The following NRG3 variants were observed in gnomAD, a reference collection of about 807,000 sequenced individuals.
NRG3 encodes the protein neuregulin 3, also known as pro-neuregulin-3, membrane-bound isoform.
A neutral mutation model predicts 66.9 loss-of-function variants in NRG3; 31 were observed. That is an observed-to-expected ratio of 0.46 (90% CI 0.35 to 0.63). The LOEUF (loss-of-function observed/expected upper bound fraction) is 0.63, where lower values mean the gene tolerates loss of function less well. Among genes scored for constraint, NRG3 ranks in the 20% least tolerant of loss-of-function variants. NRG3 has a pLI of 0.00. For missense variants in NRG3, 910 were observed against 878.9 expected, an observed-to-expected ratio of 1.04 and a Z score of -0.45; for synonymous variants, 393 against 359.4, an observed-to-expected ratio of 1.09 and a Z score of -1.06.
At chr10:82,705,328 A>G (rs2056205554) in intron 2 of NRG3, among the ~76,000 whole-genome samples, 1 of 152,202 alleles carries the variant, frequency 6.6e-6, no homozygotes, top group African/African-American at 2.4e-5. Context: ...AGACAATGCT[A>G]ACACTGCTGG....
At chr10:81,989,630 G>A (rs1185046295) in intron 1 of NRG3, among the ~76,000 whole-genome samples, 1 of 152,124 alleles carries the variant, frequency 6.6e-6, no homozygotes, top group Non-Finnish European at 1.5e-5. Context: ...TGACAAAACT[G>A]GTTTCATTGG....
chr10:82,876,270 G>T (rs1354766795), intron 4 of NRG3, among the ~76,000 whole-genome samples: 1 of 151,666 alleles, frequency 6.6e-6, no homozygotes, highest in Non-Finnish European at 1.5e-5. Context: ...TGAATATATG[G>T]ACTTTAGCAA....
chr10:82,833,393 G>A (rs144249220), intron 3 of NRG3, among the ~76,000 whole-genome samples: 3 of 152,090 alleles, frequency 2.0e-5, no homozygotes, highest in East Asian at 1.9e-4. Flanking sequence ...TCCCGAGTGC[G>A]GTACTGTTTC....
chr10:82,785,112 C>A (rs2060292568), intron 3 of NRG3, among the ~76,000 whole-genome samples: 2 of 151,674 alleles, frequency 1.3e-5, no homozygotes, highest in South Asian at 4.2e-4. Flanking sequence ...GGACAAAAAA[C>A]CAAACACCGC....
At chr10:82,451,656 C>T (rs2091023998) in intron 2 of NRG3, among the ~76,000 whole-genome samples, 1 of 152,048 alleles carries the variant, frequency 6.6e-6, no homozygotes, top group Non-Finnish European at 1.5e-5. Flanking sequence ...ACTGAAAAAT[C>T]TTAACAGGGA....
chr10:82,281,004 T>A (rs2079093282), intron 1 of NRG3, among the ~76,000 whole-genome samples: 3 of 152,176 alleles, frequency 2.0e-5, no homozygotes, highest in Admixed American at 2.0e-4. Context: ...ATTAAATAGA[T>A]CTTATTTTTT....
intron 1 of NRG3, among the ~76,000 whole-genome samples, chr10:82,269,559 C>A (rs183112000): frequency 6.6e-6 from 1 of 151,976 alleles, no homozygotes; most frequent in Non-Finnish European, 1.5e-5. Context: ...CAGAGTCAGC[C>A]GAAATGAAGA....
At chr10:82,630,969 T>C (rs1007758860) in intron 2 of NRG3, among the ~76,000 whole-genome samples, 3 of 152,196 alleles carry the variant, frequency 2.0e-5, no homozygotes, top group Admixed American at 2.0e-4. Flanking sequence ...AGTGTGAATA[T>C]AATTAAAGTT....
chr10:82,925,563 G>A (rs1376939211), intron 4 of NRG3, among the ~76,000 whole-genome samples: 8 of 152,188 alleles, frequency 5.3e-5, no homozygotes, highest in African/African-American at 1.9e-4. Context: ...CGCAGAATAG[G>A]GACAAGCATG....
At chr10:82,942,334 A>G (rs2132275665) in intron 4 of NRG3, among the ~76,000 whole-genome samples, 1 of 152,280 alleles carries the variant, frequency 6.6e-6, no homozygotes, top group East Asian at 1.9e-4. Context: ...TCTTTTTTCT[A>G]CGTAGTACAG....
intron 2 of NRG3, among the ~76,000 whole-genome samples, chr10:82,385,224 T>C (rs2085902449): frequency 6.6e-6 from 1 of 152,208 alleles, no homozygotes; most frequent in East Asian, 1.9e-4. Context: ...CTTTGTCACA[T>C]GCATACTTTG....
chr10:82,409,419 A>G (rs1234100014), intron 2 of NRG3, among the ~76,000 whole-genome samples: 1 of 152,144 alleles, frequency 6.6e-6, no homozygotes, highest in Admixed American at 6.6e-5. Context: ...TGAGATCATG[A>G]TTTGGGGAGT....
intron 1 of NRG3, among the ~76,000 whole-genome samples, chr10:82,138,355 C>A (rs1355454643): frequency 1.3e-5 from 2 of 152,080 alleles, no homozygotes; most frequent in African/African-American, 2.4e-5. Context: ...AACTTAAATA[C>A]CTAATTTCCA....
intron 2 of NRG3, among the ~76,000 whole-genome samples, chr10:82,528,757 T>A (rs1306234103): frequency 6.6e-6 from 1 of 152,192 alleles, no homozygotes; most frequent in Non-Finnish European, 1.5e-5. Flanking sequence ...GAAGATTGGC[T>A]TTTTTCTATT....
chr10:82,342,778 T>C (rs2082750338), intron 1 of NRG3, among the ~76,000 whole-genome samples: 1 of 151,602 alleles, frequency 6.6e-6, no homozygotes, highest in South Asian at 2.1e-4. Context: ...TAATTAACTC[T>C]CACTTATATA....
In NRG3 at chr10:82,973,854, C is replaced by T. The variant is rs757286281; in HGVS notation, c.1351C>T (p.Pro451Ser). 3 of 1,613,976 alleles carry T rather than the reference C, an allele frequency of 1.9e-6. No homozygotes were observed. Among genetic ancestry groups the T allele is most frequent in the Non-Finnish European group, 1.7e-6 (2 of 1,179,932 alleles). ...EKMMESSFVGPQSFPEVPSPD... is the reference protein window; with the variant it reads ...EKMMESSFVGSQSFPEVPSPD... Reference sequence around the variant, plus strand: ...AATGATGGAGTCAAGTTTTGTCGGCCCCCAGTCATTCCCTGAGGTCCCTTC... The same window carrying T: ...AATGATGGAGTCAAGTTTTGTCGGCTCCCAGTCATTCCCTGAGGTCCCTTC... The change falls in exon 7 of 9, where the codon CCC becomes TCC. Residue 451 changes from proline (P) to serine (S), a missense_variant. By Grantham distance (74) the Pro-to-Ser change is moderately conservative. Transcript: ENST00000372141.
intron 3 of NRG3, among the ~76,000 whole-genome samples, chr10:82,823,854 T>C (rs1057428470): frequency 6.6e-6 from 1 of 152,174 alleles, no homozygotes; most frequent in Non-Finnish European, 1.5e-5. Flanking sequence ...AATTCACGCA[T>C]TATAAAATAC....
intron 2 of NRG3, among the ~76,000 whole-genome samples, chr10:82,438,114 T>C (rs2090241085): frequency 6.6e-6 from 1 of 152,180 alleles, no homozygotes; most frequent in African/African-American, 2.4e-5. Context: ...AACCCACTCT[T>C]CTGGGCTGCC....
intron 2 of NRG3, among the ~76,000 whole-genome samples, chr10:82,482,975 C>T (rs1240524719): frequency 2.0e-5 from 3 of 152,142 alleles, no homozygotes; most frequent in African/African-American, 7.2e-5. Context: ...CCAACCAGCA[C>T]AGATCCTACA....
Sources: allele counts gnomAD v4.1 joint callset (sites outside exome capture counted in the v4.1 genomes callset), GRCh38; gene constraint gnomAD v4.1.1; transcripts MANE v1.5; gene names NCBI Gene and HGNC (gene_info 2026-07-23, HGNC 2026-07-21).